The following PBK variants were observed in gnomAD, a reference collection of about 807,000 sequenced individuals.
PBK encodes the protein PDZ binding kinase.
PBK carries 22 observed loss-of-function variants against 33.5 expected under a neutral mutation model. The ratio of observed to expected loss-of-function variants is 0.66; its 90% CI spans 0.47 to 0.94. PBK has a LOEUF of 0.94. Ranked by LOEUF, PBK falls within the 40% of genes least tolerant of loss-of-function variation. The pLI is 0.00. For synonymous variants in PBK, 129 were observed against 123.8 expected, an observed-to-expected ratio of 1.04 and a Z score of -0.28; for missense variants, 376 against 383.4, an observed-to-expected ratio of 0.98 and a Z score of 0.16.
chr8:27,831,301 C>T (rs758884018), intron 2 of PBK, among the ~76,000 whole-genome samples: 1 of 150,070 alleles, frequency 6.7e-6, no homozygotes, highest in Non-Finnish European at 1.5e-5. Context: ...TGCAGTGAGC[C>T]GAGATCACAC....
chr8:27,810,033 C>A lies in PBK; in HGVS notation c.*272G>T. On this transcript the variant is annotated 3_prime_UTR_variant, in exon 8 of 8. Coordinates refer to ENST00000301905, the MANE Select transcript of PBK (RefSeq NM_018492.4). The stretch of plus-strand genomic sequence containing the variant: ...TTCAATTTAATGTTACAGTTTACAG[C>A]GTTTTACTGCTAGTGTTTTAAGTCA... The A allele has an allele frequency of 2.6e-6, 1 of 377,826 alleles. No homozygotes were observed. The highest frequency in any genetic ancestry group is 4.7e-6 in the Non-Finnish European group (1 of 211,076). The allele number at this position is 377,826 out of a possible 1,614,324, so 23.4% of individuals were successfully genotyped here.
At chr8:27,833,173 A>G (rs1806162082) in intron 1 of PBK, 40 bp from the exon 2 acceptor site, 2 of 1,066,558 alleles carry the variant, frequency 1.9e-6, no homozygotes, top group Admixed American at 2.3e-5. Context: ...AGCAGATATA[A>G]AGAATACAAC....
At chr8:27,822,207 C>G in intron 5 of PBK, 112 bp downstream of exon 5, 1 of 789,858 alleles carries the variant, frequency 1.3e-6, no homozygotes, top group Non-Finnish European at 2.0e-6. Context: ...CTTTTTGGAA[C>G]TGACAAGTAA....
intron 7 of PBK, 24 bp downstream of exon 7, chr8:27,810,934 T>A: frequency 7.3e-7 from 1 of 1,376,852 alleles, no homozygotes; most frequent in South Asian, 1.2e-5. Flanking sequence ...AGATTGGGAT[T>A]TATGTTAGAA....
At chr8:27,836,323 T>C (rs1806227767) in intron 1 of PBK, among the ~76,000 whole-genome samples, 1 of 151,976 alleles carries the variant, frequency 6.6e-6, no homozygotes, top group South Asian at 2.1e-4. Flanking sequence ...AAGTAGAGCA[T>C]TGTAGCCACA....
intron 5 of PBK, among the ~76,000 whole-genome samples, chr8:27,821,371 T>C (rs1394755979): frequency 6.6e-6 from 1 of 152,154 alleles, no homozygotes; most frequent in Non-Finnish European, 1.5e-5. Context: ...CAAGCGATTC[T>C]CCTGCCTCAG....
intron 2 of PBK, among the ~76,000 whole-genome samples, chr8:27,830,884 A>T (rs1381536593): frequency 2.0e-5 from 3 of 152,232 alleles, no homozygotes; most frequent in African/African-American, 4.8e-5. Context: ...GTTGAAAAAC[A>T]TCATTAAAAC....
Position 27,823,097 on chromosome 8 carries a change from C to A in PBK, c.261G>T (p.Lys87Asn), listed in dbSNP as rs1037564576. 1 of 1,595,716 alleles carries A rather than the reference C, an allele frequency of 6.3e-7. No homozygotes were observed. The highest frequency in any genetic ancestry group is 8.6e-7 in the Non-Finnish European group (1 of 1,166,040). The stretch of plus-strand genomic sequence containing the variant: ...TTGGATGATGAAGGCTTTTCAAAAT[C>A]TTAGCTTCATCCATTAGTCTCTTTT... ...VYQKRLMDEA[K>N]ILKSLHHPNI... The change falls in exon 4 of 8, where the codon AAG becomes AAT. Residue 87 changes from lysine (K) to asparagine (N), a missense_variant. By Grantham distance (94) the Lys-to-Asn change is moderately conservative (BLOSUM62 0). Coordinates refer to ENST00000301905, the MANE Select transcript of PBK (RefSeq NM_018492.4).
Position 27,825,515 on chromosome 8 carries a change from C to G in PBK, c.153-2310G>C, listed in dbSNP as rs182012197. Among the ~76,000 whole-genome samples, 178 of 152,228 alleles carry G rather than the reference C, an allele frequency of 1.2e-3. No homozygotes were observed. The East Asian group carries it at 0.031, about 27-fold the overall frequency. On this transcript the variant is annotated intron_variant, in intron 3 of 7. Transcript: ENST00000301905. ...GTACCAACTGGCAGCTGCCCACCCC[C>G]CTTCCCCAGCTTCTAAAGATGGTAG...
intron 6 of PBK, 71 bp downstream of exon 6, chr8:27,820,494 T>G (rs1208258639): frequency 1.1e-6 from 1 of 879,204 alleles, no homozygotes; most frequent in Non-Finnish European, 1.8e-6. Context: ...TTGATCCATG[T>G]GGACTTACGT....
intron 3 of PBK, 134 bp from the exon 4 acceptor site, chr8:27,823,339 A>G (rs28525493): frequency 0.14 from 79,635 of 582,980 alleles, 7,071 homozygotes; most frequent in East Asian, 0.34. Context: ...AGTTTGGACT[A>G]TGAACACCTC....
intron 7 of PBK, among the ~76,000 whole-genome samples, 181 bp downstream of exon 7, chr8:27,810,777 C>G (rs573283073): frequency 6.6e-6 from 1 of 152,204 alleles, no homozygotes; most frequent in South Asian, 2.1e-4. Context: ...TAATGTTTTG[C>G]TTCTCTGGAT....
intron 6 of PBK, among the ~76,000 whole-genome samples, chr8:27,815,827 T>C (rs1036305505): frequency 4.6e-5 from 7 of 152,356 alleles, no homozygotes; most frequent in African/African-American, 1.7e-4. Flanking sequence ...TTAAACATAA[T>C]GGATTGGGCC....
At chr8:27,836,664 TATG>T (rs1806232930) in intron 1 of PBK, among the ~76,000 whole-genome samples, 2 of 152,112 alleles carry the variant, frequency 1.3e-5, no homozygotes, top group Non-Finnish European at 1.5e-5. Context: ...CTGGAAATCT[TATG>T]ATGAGCCTTA....
Position 27,810,326 on chromosome 8 carries a change from T to C in PBK, c.948A>G (p.Glu316=), listed in dbSNP as rs1198476534. The part of the protein sequence containing the change: ...KDRPSAAHIV[E]ALETDV ...ATCACTAGACATCTGTTTCCAGAGCTTCAACAATGTGTGCAGCAGAAGGAC... is the reference window on the plus strand; with the variant it reads ...ATCACTAGACATCTGTTTCCAGAGCCTCAACAATGTGTGCAGCAGAAGGAC... Residue 316 remains glutamate, a synonymous_variant, in exon 8 of 8, where the codon GAA becomes GAG. Transcript: ENST00000301905. 1 of 1,612,238 alleles carries C rather than the reference T, an allele frequency of 6.2e-7. No homozygotes were observed. The highest frequency in any genetic ancestry group is 8.5e-7 in the Non-Finnish European group (1 of 1,178,528).
At chr8:27,830,794 C>T (rs1047849722) in intron 2 of PBK, among the ~76,000 whole-genome samples, 2 of 151,894 alleles carry the variant, frequency 1.3e-5, no homozygotes, top group Admixed American at 1.3e-4. Context: ...GTTGTCAGAA[C>T]GGATAAAAAC....
intron 6 of PBK, among the ~76,000 whole-genome samples, chr8:27,816,343 C>CATATATATATATA (rs1554559819): frequency 1.5e-5 from 2 of 136,370 alleles, no homozygotes; most frequent in African/African-American, 5.8e-5. Context: ...TCATCGAATA[C>CATATATATATATA]TATATATATA....
chr8:27,829,633 C>A (rs539338535), intron 2 of PBK, among the ~76,000 whole-genome samples: 1 of 146,110 alleles, frequency 6.8e-6, no homozygotes, highest in South Asian at 2.2e-4. Flanking sequence ...TTTGGGAGGC[C>A]GAGGCAGGCA....
intron 6 of PBK, among the ~76,000 whole-genome samples, chr8:27,820,114 TGCAATAGAGAAGAAAG>T (rs1805891816): frequency 6.6e-6 from 1 of 152,194 alleles, no homozygotes. Flanking sequence ...TGAGAAGCTA[TGCAATAGAGAAGAAAG>T]GGCAAAGAGC....
Sources: gnomAD v4.1 joint callset for allele counts (sites outside exome capture counted in the v4.1 genomes callset) on GRCh38, gnomAD v4.1.1 for gene constraint, MANE v1.5 for transcripts, NCBI Gene and HGNC (gene_info 2026-07-23, HGNC 2026-07-21) for gene names.